Variants in ANO1 observed in about 807,000 individuals in gnomAD.
ANO1 encodes anoctamin-1.
ANO1 carries 59 observed loss-of-function variants against 124.0 expected under a neutral mutation model. The ratio of observed to expected loss-of-function variants is 0.48; its 90% CI spans 0.39 to 0.59. ANO1 has a LOEUF of 0.59. Ranked by LOEUF, ANO1 falls within the 20% of genes least tolerant of loss-of-function variation. ANO1 has a pLI of 0.00. For synonymous variants in ANO1, 529 were observed against 532.0 expected, an observed-to-expected ratio of 0.99 and a Z score of 0.08; for missense variants, 1,059 against 1,328.0, an observed-to-expected ratio of 0.80 and a Z score of 3.15.
At chr11:70,002,471 A>AAAAAAAAAAAC (rs1554999461) in intron 1 of ANO1, among the ~76,000 whole-genome samples, 1 of 151,534 alleles carries the variant, frequency 6.6e-6, no homozygotes, top group Non-Finnish European at 1.5e-5. Flanking sequence ...CAAAAAAAAA[A>AAAAAAAAAAAC]AAAAAACACC....
At chr11:70,022,069 C>T (rs1423051742) in intron 1 of ANO1, among the ~76,000 whole-genome samples, 3 of 152,138 alleles carry the variant, frequency 2.0e-5, no homozygotes, top group Non-Finnish European at 4.4e-5. Context: ...CACTTCCTGC[C>T]GCTTTGACAT....
At chr11:70,044,780 G>A (rs934322889) in intron 1 of ANO1, among the ~76,000 whole-genome samples, 2 of 152,116 alleles carry the variant, frequency 1.3e-5, no homozygotes, top group Admixed American at 6.6e-5. Context: ...AGGCTGTTAC[G>A]ATGATAAAGG....
chr11:70,019,003 G>T (rs945322831), intron 1 of ANO1, among the ~76,000 whole-genome samples: 1 of 152,246 alleles, frequency 6.6e-6, no homozygotes, highest in Non-Finnish European at 1.5e-5. Flanking sequence ...CAATAAGTAC[G>T]CAAAGTCCAT....
At chr11:70,137,701 G>A (rs898448024) in intron 11 of ANO1, among the ~76,000 whole-genome samples, 1 of 146,456 alleles carries the variant, frequency 6.8e-6, no homozygotes, top group Non-Finnish European at 1.5e-5. Context: ...TGCCAGCTCC[G>A]GGGCCCGGCT....
At chr11:70,033,525 C>G (rs1335336664) in intron 1 of ANO1, among the ~76,000 whole-genome samples, 1 of 152,176 alleles carries the variant, frequency 6.6e-6, no homozygotes, top group African/African-American at 2.4e-5. Flanking sequence ...CCCCTCCAGC[C>G]TGAGGCGTCT....
intron 11 of ANO1, among the ~76,000 whole-genome samples, chr11:70,142,397 C>T (rs1186486049): frequency 6.6e-6 from 1 of 152,144 alleles, no homozygotes; most frequent in African/African-American, 2.4e-5. Context: ...TGATCGTCTG[C>T]GGGAACTAAA....
At chr11:70,058,955 G>A (rs1473381226) in intron 1 of ANO1, among the ~76,000 whole-genome samples, 6 of 151,812 alleles carry the variant, frequency 4.0e-5, no homozygotes, top group Non-Finnish European at 7.4e-5. Flanking sequence ...AGGCTGAGGC[G>A]GGCAGATCAC....
Position 70,047,393 on chromosome 11 carries a change from A to G in ANO1, c.59-31149A>G, listed in dbSNP as rs1207875236. 4.6e-5 allele frequency among the ~76,000 whole-genome samples: 7 copies of G among 152,330 alleles called. No homozygotes were observed. In the East Asian group the frequency reaches 9.6e-4, roughly 21 times the overall value. On this transcript the variant is annotated intron_variant, in intron 1 of 27. Coordinates refer to the ANO1 transcript ENST00000531349. The stretch of plus-strand genomic sequence containing the variant: ...GAAATAAGAATTATGGCTACAATAG[A>G]TTGAAACACATTGGAGATATAACAA...
At chr11:69,985,607 C>T (rs1283376625), upstream of ANO1, among the ~76,000 whole-genome samples, 1 of 152,204 alleles carries the variant, frequency 6.6e-6, no homozygotes, top group Non-Finnish European at 1.5e-5. Context: ...TAGTCAACAC[C>T]CCTTCCCTGG....
intron 1 of ANO1, among the ~76,000 whole-genome samples, chr11:70,022,890 A>AGGGT (rs1856832560): frequency 6.6e-6 from 1 of 151,934 alleles, no homozygotes; most frequent in Non-Finnish European, 1.5e-5. Flanking sequence ...CATCACAGGG[A>AGGGT]GCTTATAAGT....
chr11:70,101,604 A>G (rs1035263825), intron 2 of ANO1, among the ~76,000 whole-genome samples: 1 of 151,118 alleles, frequency 6.6e-6, no homozygotes, highest in African/African-American at 2.4e-5. Flanking sequence ...AAAAAAAAAA[A>G]AAACTCATCC....
At chr11:70,036,403 C>T (rs1591049185) in intron 1 of ANO1, among the ~76,000 whole-genome samples, 1 of 152,232 alleles carries the variant, frequency 6.6e-6, no homozygotes, top group Non-Finnish European at 1.5e-5. Flanking sequence ...CTATAAAACC[C>T]TCATTTCAAA....
At chr11:70,092,189 G>A (rs927190964) in intron 2 of ANO1, among the ~76,000 whole-genome samples, 1 of 152,142 alleles carries the variant, frequency 6.6e-6, no homozygotes, top group African/African-American at 2.4e-5. Flanking sequence ...TCTGTTGTGT[G>A]TCTTCTTCTT....
chr11:70,085,124 C>T (rs1324968973), intron 1 of ANO1, among the ~76,000 whole-genome samples: 1 of 152,182 alleles, frequency 6.6e-6, no homozygotes, highest in Non-Finnish European at 1.5e-5. Flanking sequence ...CCCGGGCTCT[C>T]CTGCCCTGCT....
intron 1 of ANO1, among the ~76,000 whole-genome samples, chr11:70,029,265 G>A (rs1208376456): frequency 5.3e-5 from 8 of 152,194 alleles, no homozygotes; most frequent in Non-Finnish European, 8.8e-5. Context: ...AGGCAAAGGG[G>A]CACCCTCTTC....
At chr11:70,045,643 T>A (rs139875404) in intron 1 of ANO1, among the ~76,000 whole-genome samples, 39 of 152,242 alleles carry the variant, frequency 2.6e-4, no homozygotes, top group African/African-American at 8.9e-4. Context: ...ACAACTGATT[T>A]TTTTTTTTCC....
At chr11:70,084,581 G>C (rs2044302849) in intron 1 of ANO1, among the ~76,000 whole-genome samples, 2 of 152,132 alleles carry the variant, frequency 1.3e-5, no homozygotes, top group African/African-American at 4.8e-5. Context: ...CTTGCAGCTG[G>C]AGAGGGGCCA....
Position 70,182,494 on chromosome 11 carries a change from C to T in ANO1, c.2404-8C>T, listed in dbSNP as rs767111146. 1 of 1,561,384 alleles carries T rather than the reference C, an allele frequency of 6.4e-7. No homozygotes were observed. Among genetic ancestry groups the T allele is most frequent in the African/African-American group, 1.4e-5 (1 of 73,426 alleles). ...GGGGTCCCCCTCACTGCCATGTCCC[C>T]TGCACAGGCCTTCGTGATCTCCTTC... On this transcript the variant is annotated splice_polypyrimidine_tract_variant and splice_region_variant and intron_variant, in intron 23 of 25. Coordinates refer to ENST00000355303, the MANE Select transcript of ANO1 (RefSeq NM_018043.7).
upstream of ANO1, among the ~76,000 whole-genome samples, chr11:69,980,916 G>T (rs1466668137): frequency 6.6e-6 from 1 of 152,074 alleles, no homozygotes; most frequent in Non-Finnish European, 1.5e-5. Flanking sequence ...GCTGGGTGTG[G>T]TGGCACATGC....
Sources: gnomAD v4.1 joint callset for allele counts (sites outside exome capture counted in the v4.1 genomes callset) on GRCh38, gnomAD v4.1.1 for gene constraint, MANE v1.5 for transcripts, NCBI Gene and HGNC (gene_info 2026-07-23, HGNC 2026-07-21) for gene names.